Variants in CNTLN observed in about 807,000 individuals in gnomAD.
CNTLN encodes the protein centlein, centrosomal protein.
A neutral mutation model predicts 180.0 loss-of-function variants in CNTLN; 212 were observed. The observed-to-expected ratio is 1.18, with a 90% CI of 1.05 to 1.32. The LOEUF (loss-of-function observed/expected upper bound fraction) is 1.32, where lower values mean the gene tolerates loss of function less well. Ranked by LOEUF, CNTLN falls within the 40% of genes most tolerant of loss-of-function variation. The pLI, the probability that CNTLN is intolerant of heterozygous loss-of-function variation, is 0.00. For synonymous variants in CNTLN, 722 were observed against 563.1 expected, an observed-to-expected ratio of 1.28 and a Z score of -3.99; for missense variants, 2,095 against 1,610.9, an observed-to-expected ratio of 1.30 and a Z score of -5.14.
chr9:17,409,522 C>A, intron 16 of CNTLN, 49 bp downstream of exon 16: 1 of 1,336,692 alleles, frequency 7.5e-7, no homozygotes, highest in South Asian at 1.5e-5. Flanking sequence ...TAAATTTTAT[C>A]TTATGCTTTA....
chr9:17,162,358 C>T (rs1255937730), intron 2 of CNTLN, among the ~76,000 whole-genome samples: 1 of 152,214 alleles, frequency 6.6e-6, no homozygotes, highest in African/African-American at 2.4e-5. Context: ...TCATGATCTG[C>T]CCGCCTCGGC....
At chr9:17,241,004 G>T (rs113842957) in intron 5 of CNTLN, among the ~76,000 whole-genome samples, 1 of 151,942 alleles carries the variant, frequency 6.6e-6, no homozygotes, top group Non-Finnish European at 1.5e-5. Flanking sequence ...GACTACAGGC[G>T]CCCGGCACCA....
At chr9:17,312,367 T>TTTTATATATATATATATATATA (rs1819226089) in intron 8 of CNTLN, among the ~76,000 whole-genome samples, 30 of 10,966 alleles carry the variant, frequency 2.7e-3, no homozygotes, top group African/African-American at 5.7e-3. Flanking sequence ...ATATATATTA[T>TTTTATATATATATATATATATA]ATATATATAT....
intron 18 of CNTLN, among the ~76,000 whole-genome samples, chr9:17,452,703 A>G (rs934025431): frequency 1.3e-5 from 2 of 152,208 alleles, no homozygotes; most frequent in Non-Finnish European, 2.9e-5. Context: ...TAAATGATAG[A>G]TATTGAATCG....
intron 2 of CNTLN, among the ~76,000 whole-genome samples, chr9:17,158,712 A>G (rs1170356019): frequency 6.6e-6 from 1 of 151,720 alleles, no homozygotes; most frequent in Non-Finnish European, 1.5e-5. Context: ...GATTGGTAAT[A>G]TCCCCCCCTT....
At chr9:17,344,727 G>T (rs1238373889) in intron 12 of CNTLN, among the ~76,000 whole-genome samples, 3 of 152,176 alleles carry the variant, frequency 2.0e-5, no homozygotes, top group Non-Finnish European at 4.4e-5. Flanking sequence ...ATTCAAGTTT[G>T]TTTTGAGGAC....
chr9:17,370,616 C>G (rs1336836515), intron 13 of CNTLN, among the ~76,000 whole-genome samples: 3 of 151,988 alleles, frequency 2.0e-5, no homozygotes, highest in Non-Finnish European at 2.9e-5. Flanking sequence ...TCTGAAGGTA[C>G]AAAAGTCACT....
At chr9:17,382,276 A>T (rs977694106) in intron 13 of CNTLN, among the ~76,000 whole-genome samples, 2 of 152,218 alleles carry the variant, frequency 1.3e-5, no homozygotes, top group East Asian at 3.8e-4. Context: ...TGGGCAGCAT[A>T]CAATTTAAGT....
At position 17,332,602 on chromosome 9, in the gene CNTLN, G is replaced by A. The variant is rs777473201; in HGVS notation, c.1519-3G>A. 5.0e-6 allele frequency: 8 copies of A among 1,598,560 alleles called. No homozygotes were observed. In the East Asian group the frequency reaches 9.1e-5, roughly 18 times the overall value. ...TCAACCATGTCCTTGTTTTATTCTC[G>A]AGGAACCACCTGTGAAACGTTCAAG... On this transcript the variant is annotated splice_polypyrimidine_tract_variant and splice_region_variant and intron_variant, in intron 9 of 25. Transcript: ENST00000380647.
At chr9:17,402,835 C>A (rs1048652756) in intron 15 of CNTLN, among the ~76,000 whole-genome samples, 13 of 151,858 alleles carry the variant, frequency 8.6e-5, no homozygotes, top group African/African-American at 3.2e-4. Context: ...GAGTCTCTAG[C>A]CTACTGGGCC....
At chr9:17,212,892 G>C (rs1008499820) in intron 2 of CNTLN, among the ~76,000 whole-genome samples, 3 of 152,126 alleles carry the variant, frequency 2.0e-5, no homozygotes, top group African/African-American at 4.8e-5. Flanking sequence ...TGTGGGATCG[G>C]TGGTGATATC....
At chr9:17,415,106 T>G (rs1828128239) in intron 16 of CNTLN, among the ~76,000 whole-genome samples, 1 of 151,864 alleles carries the variant, frequency 6.6e-6, no homozygotes, top group South Asian at 2.1e-4. Flanking sequence ...AAAAAAAATC[T>G]TAAGACCACA....
At chr9:17,491,471 T>C (rs1833159418) in intron 25 of CNTLN, among the ~76,000 whole-genome samples, 1 of 152,128 alleles carries the variant, frequency 6.6e-6, no homozygotes, top group Non-Finnish European at 1.5e-5. Flanking sequence ...ATTACATAGT[T>C]ATAACCAGAG....
intron 6 of CNTLN, among the ~76,000 whole-genome samples, chr9:17,289,490 G>T (rs566885368): frequency 7.3e-6 from 1 of 136,492 alleles, no homozygotes; most frequent in Non-Finnish European, 1.5e-5. Context: ...ATGTGTCTTG[G>T]AGTTGCTCTT....
chr9:17,317,009 A>T (rs937770300), intron 8 of CNTLN, among the ~76,000 whole-genome samples: 1 of 152,088 alleles, frequency 6.6e-6, no homozygotes, highest in African/African-American at 2.4e-5. Flanking sequence ...TTTTAAATGC[A>T]ATTGTCTTAA....
In CNTLN at chr9:17,291,685, G is replaced by C. The variant is rs111755670; in HGVS notation, c.984-6505G>C. 9.5e-3 allele frequency among the ~76,000 whole-genome samples: 1,443 copies of C among 152,032 alleles called. 13 individuals are homozygous for C. The highest frequency in any genetic ancestry group is 0.017 in the Middle Eastern group (5 of 294). Reference sequence around the variant, plus strand: ...ATATTTTCCTCCATTCCTTTATTTTGAGCCTATGTGTGTCTTTGCATGTGA... The same window carrying C: ...ATATTTTCCTCCATTCCTTTATTTTCAGCCTATGTGTGTCTTTGCATGTGA... On this transcript the variant is annotated intron_variant, in intron 6 of 25. Transcript: ENST00000380647.
intron 2 of CNTLN, among the ~76,000 whole-genome samples, chr9:17,220,770 A>T (rs1416618309): frequency 6.6e-6 from 1 of 152,162 alleles, no homozygotes; most frequent in Non-Finnish European, 1.5e-5. Flanking sequence ...TGCAAAGGAC[A>T]TGATCTTGTT....
chr9:17,266,235 G>C (rs921651199), intron 5 of CNTLN, among the ~76,000 whole-genome samples: 3 of 152,120 alleles, frequency 2.0e-5, no homozygotes, highest in Admixed American at 6.5e-5. Flanking sequence ...CTGGTATGCT[G>C]TGTCTTTGTT....
chr9:17,155,342 A>G (rs1192529698), intron 2 of CNTLN, among the ~76,000 whole-genome samples: 1 of 152,204 alleles, frequency 6.6e-6, no homozygotes, highest in African/African-American at 2.4e-5. Flanking sequence ...ACTGACCCTT[A>G]GCAGACCTGG....
Sources: allele counts gnomAD v4.1 joint callset (sites outside exome capture counted in the v4.1 genomes callset), GRCh38; gene constraint gnomAD v4.1.1; transcripts MANE v1.5; gene names NCBI Gene and HGNC (gene_info 2026-07-23, HGNC 2026-07-21).